WDFY1: variants seen among roughly 807,000 people sequenced by gnomAD.
The protein encoded by WDFY1 is WD repeat and FYVE domain-containing protein 1.
A neutral mutation model predicts 56.4 loss-of-function variants in WDFY1; 32 were observed. That is an observed-to-expected ratio of 0.57 (90% CI 0.43 to 0.76). The LOEUF is 0.76. WDFY1 is among the 30% of genes least tolerant of loss of function. WDFY1 has a pLI of 0.00. For missense variants in WDFY1, 480 were observed against 545.7 expected (o/e 0.88, Z 1.20); for synonymous variants, 192 against 197.3 (o/e 0.97, Z 0.23).
chr2:223,910,479 TAGG>T (rs373762130), intron 3 of WDFY1, among the ~76,000 whole-genome samples: 3 of 149,908 alleles, frequency 2.0e-5, no homozygotes, highest in Non-Finnish European at 4.4e-5. Flanking sequence ...AGGCAGCTCT[TAGG>T]AGAAGATATT....
chr2:223,920,870 C>T (rs760862767), intron 1 of WDFY1, among the ~76,000 whole-genome samples: 1 of 152,208 alleles, frequency 6.6e-6, no homozygotes, highest in Non-Finnish European at 1.5e-5. Flanking sequence ...TGGCTATCCT[C>T]GCCTTCAGCT....
At chr2:223,892,868 C>T (rs1693302134) in intron 8 of WDFY1, among the ~76,000 whole-genome samples, 1 of 152,238 alleles carries the variant, frequency 6.6e-6, no homozygotes, top group Non-Finnish European at 1.5e-5. Context: ...TAAATACATT[C>T]ACTTGAGTTT....
intron 8 of WDFY1, among the ~76,000 whole-genome samples, chr2:223,892,252 A>T (rs2106076363): frequency 6.6e-6 from 1 of 152,354 alleles, no homozygotes; most frequent in East Asian, 1.9e-4. Flanking sequence ...CTGGGATTAC[A>T]GGCATGAGCC....
chr2:223,933,872 G>A (rs1018125351), intron 1 of WDFY1, among the ~76,000 whole-genome samples: 1 of 144,618 alleles, frequency 6.9e-6, no homozygotes, highest in African/African-American at 2.5e-5. Context: ...TGAGGTGGAA[G>A]GATCGTTTGA....
In WDFY1 at chr2:223,877,429, T is replaced by C. The variant is rs530686744; in HGVS notation, c.*1242A>G. 4 of 152,246 alleles carry C rather than the reference T, an allele frequency of 2.6e-5. No homozygotes were observed. The highest frequency in any genetic ancestry group is 2.1e-4 in the South Asian group (1 of 4,824). The allele number at this position is 152,246 out of a possible 1,614,324, so 9.4% of individuals were successfully genotyped here. A position where few individuals can be genotyped will look rare whatever the true frequency, so the allele number is the denominator to read the frequency against. On this transcript the variant is annotated 3_prime_UTR_variant, in exon 12 of 12. Coordinates refer to ENST00000233055, the MANE Select transcript of WDFY1 (RefSeq NM_020830.5). ...TTCCATATCCCTAGAGAAATAGATATATGTACTGTTGTCAAAAAAAATCAA... is the reference window on the plus strand; with the variant it reads ...TTCCATATCCCTAGAGAAATAGATACATGTACTGTTGTCAAAAAAAATCAA...
intron 4 of WDFY1, among the ~76,000 whole-genome samples, chr2:223,902,516 G>C (rs554901971): frequency 1.3e-5 from 2 of 152,286 alleles, no homozygotes; most frequent in East Asian, 3.9e-4. Flanking sequence ...ATTGAGCTAT[G>C]ATTGCACCAC....
At chr2:223,916,815 CTTTT>C (rs201460170) in intron 2 of WDFY1, among the ~76,000 whole-genome samples, 2 of 138,596 alleles carry the variant, frequency 1.4e-5, no homozygotes. Flanking sequence ...CCCAGGGCTG[CTTTT>C]TTTTTTTTTT....
rs547824424 is a variant in WDFY1 at position 223,944,511 on chromosome 2, C to G, written c.137+637G>C. Among the ~76,000 whole-genome samples, 11 of 151,256 alleles carry G rather than the reference C, an allele frequency of 7.3e-5. No homozygotes were observed. In the East Asian group the frequency reaches 2.2e-3, roughly 30 times the overall value. On this transcript the variant is annotated intron_variant, in intron 1 of 11. Coordinates refer to ENST00000233055, the MANE Select transcript of WDFY1 (RefSeq NM_020830.5). ...TGAGCAGCGCGGTGAGACAGAGTTC[C>G]CGCGCTGGAGGGGCGCGGTGAGACA...
At chr2:223,924,670 CTTTA>C (rs1693949414) in intron 1 of WDFY1, among the ~76,000 whole-genome samples, 1 of 152,146 alleles carries the variant, frequency 6.6e-6, no homozygotes, top group Non-Finnish European at 1.5e-5. Context: ...GGCCCCATGA[CTTTA>C]TTTGTTTATC....
intron 4 of WDFY1, among the ~76,000 whole-genome samples, chr2:223,902,803 T>A (rs527668657): frequency 2.7e-5 from 4 of 150,592 alleles, no homozygotes; most frequent in Non-Finnish European, 5.9e-5. Flanking sequence ...AATATTAATA[T>A]ACGCCTAAAG....
chr2:223,891,338 G>C (rs528709869), intron 8 of WDFY1, among the ~76,000 whole-genome samples: 1 of 116,842 alleles, frequency 8.6e-6, no homozygotes, highest in East Asian at 2.8e-4. Flanking sequence ...AGCCGAGATC[G>C]CACCACTGCA....
intron 11 of WDFY1, among the ~76,000 whole-genome samples, chr2:223,878,949 C>T (rs942456462): frequency 2.0e-5 from 3 of 152,174 alleles, no homozygotes; most frequent in African/African-American, 7.2e-5. Context: ...TTTGGGAGAC[C>T]GAGGCGGGTG....
chr2:223,886,779 T>C (rs964786901), intron 8 of WDFY1, among the ~76,000 whole-genome samples: 5 of 146,952 alleles, frequency 3.4e-5, no homozygotes, highest in Non-Finnish European at 7.5e-5. Flanking sequence ...CTTAACATTA[T>C]ATATGTGCAA....
At chr2:223,924,387 A>G (rs1229785593) in intron 1 of WDFY1, among the ~76,000 whole-genome samples, 1 of 152,208 alleles carries the variant, frequency 6.6e-6, no homozygotes, top group Non-Finnish European at 1.5e-5. Context: ...TTTATTAAAC[A>G]GAGTCTCACT....
chr2:223,896,155 C>CCAAAAAAAAA (rs1693368552), intron 6 of WDFY1, among the ~76,000 whole-genome samples: 1 of 39,828 alleles, frequency 2.5e-5, no homozygotes, highest in Non-Finnish European at 4.2e-5. Context: ...GACTCTGTCT[C>CCAAAAAAAAA]AAAAAAAAAA....
At chr2:223,887,861 T>G (rs1167397753) in intron 8 of WDFY1, among the ~76,000 whole-genome samples, 3 of 152,180 alleles carry the variant, frequency 2.0e-5, no homozygotes, top group Non-Finnish European at 4.4e-5. Context: ...CCTGGTTTGA[T>G]CCACAAATTT....
intron 10 of WDFY1, among the ~76,000 whole-genome samples, chr2:223,880,522 G>A (rs1193666075): frequency 2.0e-5 from 3 of 151,034 alleles, no homozygotes; most frequent in Non-Finnish European, 4.4e-5. Flanking sequence ...CAGGAGAATC[G>A]CTTGAACCTG....
At chr2:223,910,784 T>G (rs1456078930) in intron 3 of WDFY1, among the ~76,000 whole-genome samples, 6 of 152,128 alleles carry the variant, frequency 3.9e-5, no homozygotes, top group East Asian at 3.8e-4. Flanking sequence ...AGCAAGGATT[T>G]GGAGAGCCGG....
In WDFY1 at chr2:223,899,991, C is replaced by T. The variant is rs114005568; in HGVS notation, c.486-921G>A. ...TAATCCAAAACGCAGTTATTTGTGG[C>T]GGTAGTACATTTAAATTTAGAAAAT... On this transcript the variant is annotated intron_variant, in intron 5 of 11. Coordinates refer to ENST00000233055, the MANE Select transcript of WDFY1 (RefSeq NM_020830.5). Among the ~76,000 whole-genome samples the T allele has an allele frequency of 3.6e-3, 545 of 152,150 alleles. 4 individuals are homozygous for T. The highest frequency in any genetic ancestry group is 0.012 in the African/African-American group (505 of 41,490).
Sources: allele counts gnomAD v4.1 joint callset (sites outside exome capture counted in the v4.1 genomes callset), GRCh38; gene constraint gnomAD v4.1.1; transcripts MANE v1.5; gene names NCBI Gene and HGNC (gene_info 2026-07-23, HGNC 2026-07-21).